Variants in DNAH11 observed in about 807,000 individuals in gnomAD.
The protein encoded by DNAH11 is axonemal beta dynein heavy chain 11.
DNAH11 carries 442 observed loss-of-function variants against 526.0 expected under a neutral mutation model. The ratio of observed to expected loss-of-function variants is 0.84; its 90% confidence interval spans 0.78 to 0.91. The LOEUF (loss-of-function observed/expected upper bound fraction) is 0.91, where lower values mean the gene tolerates loss of function less well. Among genes scored for constraint, DNAH11 ranks in the 40% least tolerant of loss-of-function variants. DNAH11 has a pLI of 0.00. For missense variants in DNAH11, 6,989 were observed against 5,448.7 expected, an observed-to-expected ratio of 1.28 and a Z score of -8.90; for synonymous variants, 2,461 against 1,935.9, an observed-to-expected ratio of 1.27 and a Z score of -7.12.
chr7:21,718,451 C>A (rs1784752367), intron 43 of DNAH11, among the ~76,000 whole-genome samples: 1 of 152,164 alleles, frequency 6.6e-6, no homozygotes, highest in Admixed American at 6.5e-5. Flanking sequence ...TAGGTGCCAC[C>A]ACTCACAGGC....
At chr7:21,721,736 G>C (rs188049460) in intron 44 of DNAH11, among the ~76,000 whole-genome samples, 2 of 152,096 alleles carry the variant, frequency 1.3e-5, no homozygotes, top group Admixed American at 6.6e-5. Context: ...CACACTGTGG[G>C]GTAGGGCTTC....
At chr7:21,619,902 C>T (rs775477949) in intron 24 of DNAH11, 54 bp from the exon 25 acceptor site, 311 of 1,488,854 alleles carry the variant, frequency 2.1e-4, no homozygotes, top group Non-Finnish European at 2.7e-4. Context: ...TAATAGTCTA[C>T]ATATTGATTA....
intron 61 of DNAH11, among the ~76,000 whole-genome samples, chr7:21,799,542 T>A (rs183680883): frequency 1.3e-3 from 194 of 152,296 alleles, no homozygotes; most frequent in African/African-American, 4.5e-3. Context: ...TTCGCCATGT[T>A]GGCCAGGCTG....
At chr7:21,579,906 A>G (rs1784248219) in intron 8 of DNAH11, among the ~76,000 whole-genome samples, 1 of 152,216 alleles carries the variant, frequency 6.6e-6, no homozygotes, top group South Asian at 2.1e-4. Flanking sequence ...GACCAAGGGC[A>G]TCCTGGAGAT....
chr7:21,707,050 A>T (rs1165865712), intron 39 of DNAH11, among the ~76,000 whole-genome samples: 4 of 152,192 alleles, frequency 2.6e-5, no homozygotes, highest in African/African-American at 9.6e-5. Flanking sequence ...TATCCTGCTC[A>T]TTGAAAGATA....
At chr7:21,686,313 G>A (rs990289050) in intron 32 of DNAH11, among the ~76,000 whole-genome samples, 5 of 152,088 alleles carry the variant, frequency 3.3e-5, no homozygotes, top group African/African-American at 7.2e-5. Flanking sequence ...TTAGTCTCTC[G>A]TCTCCTGACC....
At chr7:21,789,849 T>TTTCTTTCTTTCTTTCC (rs1788391625) in intron 61 of DNAH11, among the ~76,000 whole-genome samples, 1 of 142,780 alleles carries the variant, frequency 7.0e-6, no homozygotes, top group East Asian at 2.0e-4. Context: ...TCTTTCTTTC[T>TTTCTTTCTTTCTTTCC]TTCTCTCTCC....
At position 21,600,066 on chromosome 7, in the gene DNAH11, A is replaced by G; in HGVS notation, c.2947A>G (p.Met983Val). ...VEEMLCNSFRMSAQMNRIATH... is the reference protein window; with the variant it reads ...VEEMLCNSFRVSAQMNRIATH... ...AGAAATGTTATGCAATAGTTTTAGA[A>G]TGTCTGCCCAGATGAACCGAATAGC... Residue 983 changes from methionine to valine, a missense_variant, in exon 15 of 82, where the codon ATG becomes GTG. By Grantham distance (21) the Met-to-Val change is conservative. Transcript: ENST00000409508. 6.3e-7 allele frequency: 1 copy of G among 1,598,758 alleles called. No homozygotes were observed. The highest frequency in any genetic ancestry group is 1.1e-5 in the South Asian group (1 of 88,156).
chr7:21,626,162 T>C (rs1226978224), intron 25 of DNAH11, among the ~76,000 whole-genome samples: 1 of 152,184 alleles, frequency 6.6e-6, no homozygotes, highest in East Asian at 1.9e-4. Context: ...CTGGGTCTTA[T>C]GAGACCCGCT....
chr7:21,872,135 A>AAAAAAAAACAAAC (rs1222994423), intron 73 of DNAH11, among the ~76,000 whole-genome samples: 2 of 137,334 alleles, frequency 1.5e-5, no homozygotes, highest in Non-Finnish European at 3.1e-5. Flanking sequence ...AAAAAAAAAA[A>AAAAAAAAACAAAC]AAAAAAAAAA....
At chr7:21,885,006 T>C (rs1338631916) in intron 76 of DNAH11, among the ~76,000 whole-genome samples, 4 of 151,846 alleles carry the variant, frequency 2.6e-5, no homozygotes, top group African/African-American at 9.7e-5. Flanking sequence ...CATTCCACGA[T>C]GTACACGTGT....
At chr7:21,582,091 G>A in intron 9 of DNAH11, 70 bp downstream of exon 9, 1 of 965,162 alleles carries the variant, frequency 1.0e-6, no homozygotes, top group South Asian at 1.4e-5. Context: ...TGAAAGGGGT[G>A]AATTCTCATT....
chr7:21,562,237 A>T (rs1783489783), intron 5 of DNAH11, among the ~76,000 whole-genome samples: 1 of 152,188 alleles, frequency 6.6e-6, no homozygotes, highest in South Asian at 2.1e-4. Flanking sequence ...GGGCCATCTT[A>T]CATATTGTAG....
At chr7:21,874,858 G>A (rs762513686) in intron 74 of DNAH11, among the ~76,000 whole-genome samples, 4 of 151,816 alleles carry the variant, frequency 2.6e-5, no homozygotes, top group East Asian at 1.9e-4. Flanking sequence ...TTGGTAAATC[G>A]CATTCTTGTT....
chr7:21,726,122 G>T, intron 45 of DNAH11, 138 bp downstream of exon 45: 2 of 897,548 alleles, frequency 2.2e-6, no homozygotes, highest in Non-Finnish European at 3.1e-6. Context: ...CATGATGCTG[G>T]CATCTGCTGA....
At position 21,633,812 on chromosome 7, in the gene DNAH11, A is replaced by G. The variant is rs1252879184; in HGVS notation, c.4501-2059A>G. 4.6e-5 allele frequency among the ~76,000 whole-genome samples: 7 copies of G among 152,204 alleles called. No individual in the cohort carries two copies. In the East Asian group the frequency reaches 5.8e-4, roughly 13 times the overall value. On this transcript the variant is annotated intron_variant, in intron 25 of 81. Coordinates refer to ENST00000409508, the MANE Select transcript of DNAH11 (RefSeq NM_001277115.2). ...CATGCTGAGACTTGAAGGGTAGTCT[A>G]TTATTCTTCAAAAAATGGCAGTCAG... is the stretch of plus-strand genomic sequence containing the variant.
At chr7:21,836,393 A>T (rs1268603938) in intron 65 of DNAH11, among the ~76,000 whole-genome samples, 1 of 152,178 alleles carries the variant, frequency 6.6e-6, no homozygotes, top group African/African-American at 2.4e-5. Flanking sequence ...CACTTGCGTA[A>T]AAACAAACAC....
chr7:21,790,645 A>T (rs1415413754), intron 61 of DNAH11, among the ~76,000 whole-genome samples: 1 of 152,184 alleles, frequency 6.6e-6, no homozygotes, highest in African/African-American at 2.4e-5. Context: ...GTGGATCGAC[A>T]TGGGCTTTAG....
chr7:21,555,015 G>A (rs1390115527), intron 2 of DNAH11, among the ~76,000 whole-genome samples: 1 of 152,198 alleles, frequency 6.6e-6, no homozygotes, highest in Non-Finnish European at 1.5e-5. Context: ...GACACATGGA[G>A]GGGGTATGGA....
Sources: allele counts gnomAD v4.1 joint callset (sites outside exome capture counted in the v4.1 genomes callset), GRCh38; gene constraint gnomAD v4.1.1; transcripts MANE v1.5; gene names NCBI Gene and HGNC (gene_info 2026-07-23, HGNC 2026-07-21).